Variants in CSMD1 observed in about 807,000 individuals in gnomAD.
The protein encoded by CSMD1 is CUB and sushi domain-containing protein 1.
A neutral mutation model predicts 417.5 loss-of-function variants in CSMD1; 213 were observed. The observed-to-expected ratio is 0.51, with a 90% confidence interval of 0.46 to 0.57. CSMD1 has a LOEUF of 0.57. Ranked by LOEUF, CSMD1 falls within the 20% of genes least tolerant of loss-of-function variation. The probability of loss-of-function intolerance (pLI) is 0.00; values close to 1 mark genes in which losing one functional copy is unlikely to be tolerated. For synonymous variants in CSMD1, 2,862 were observed against 1,736.8 expected, an observed-to-expected ratio of 1.65 and a Z score of -16.11; for missense variants, 6,923 against 4,529.7, an observed-to-expected ratio of 1.53 and a Z score of -15.17.
intron 2 of CSMD1, among the ~76,000 whole-genome samples, chr8:4,525,552 A>G (rs1335201345): frequency 6.6e-6 from 1 of 152,230 alleles, no homozygotes; most frequent in Non-Finnish European, 1.5e-5. Context: ...CAACCCCTAA[A>G]GGAAATGATT....
At chr8:3,510,024 A>T (rs1796997288) in intron 10 of CSMD1, among the ~76,000 whole-genome samples, 1 of 152,230 alleles carries the variant, frequency 6.6e-6, no homozygotes, top group African/African-American at 2.4e-5. Context: ...CAAGTCGCGT[A>T]TCCACTTCTC....
intron 1 of CSMD1, among the ~76,000 whole-genome samples, chr8:4,838,908 G>A (rs925216664): frequency 6.6e-6 from 1 of 152,246 alleles, no homozygotes; most frequent in East Asian, 1.9e-4. Context: ...AAGCTCTAAA[G>A]GTTACATAAA....
At chr8:3,300,682 C>G (rs950047001) in intron 25 of CSMD1, among the ~76,000 whole-genome samples, 1 of 152,000 alleles carries the variant, frequency 6.6e-6, no homozygotes, top group African/African-American at 2.4e-5. Flanking sequence ...AATGGCCAGG[C>G]CTGGTGGCTC....
intron 3 of CSMD1, among the ~76,000 whole-genome samples, chr8:4,173,195 G>A (rs1179106164): frequency 6.6e-6 from 1 of 152,136 alleles, no homozygotes. Context: ...TCAATTAAAA[G>A]TGAATTTCAG....
intron 7 of CSMD1, among the ~76,000 whole-genome samples, chr8:3,620,906 G>T (rs1310199729): frequency 6.6e-6 from 1 of 152,146 alleles, no homozygotes; most frequent in Non-Finnish European, 1.5e-5. Context: ...ACACCTTGAA[G>T]TTCTAAACAC....
intron 41 of CSMD1, among the ~76,000 whole-genome samples, chr8:3,137,964 C>G (rs1818204200): frequency 6.6e-6 from 1 of 152,170 alleles, no homozygotes; most frequent in Non-Finnish European, 1.5e-5. Flanking sequence ...GTGGCTCATG[C>G]CTGTAATCCC....
chr8:3,271,023 A>T (rs1224283136), intron 26 of CSMD1, among the ~76,000 whole-genome samples: 1 of 151,754 alleles, frequency 6.6e-6, no homozygotes, highest in African/African-American at 2.4e-5. Flanking sequence ...GGTGCGCTGC[A>T]CCCACTAACT....
intron 1 of CSMD1, among the ~76,000 whole-genome samples, chr8:4,692,234 T>G (rs1022111569): frequency 6.6e-6 from 1 of 152,116 alleles, no homozygotes; most frequent in Non-Finnish European, 1.5e-5. Context: ...TCAAGTCCTC[T>G]GCAAGCCACT....
chr8:4,720,153 G>A (rs182167037), intron 1 of CSMD1, among the ~76,000 whole-genome samples: 91 of 135,506 alleles, frequency 6.7e-4, no homozygotes, highest in Middle Eastern at 3.6e-3. Context: ...AAAGCTAGAC[G>A]TATACATACA....
chr8:3,422,855 C>G (rs758426798), intron 12 of CSMD1, among the ~76,000 whole-genome samples: 1 of 152,122 alleles, frequency 6.6e-6, no homozygotes, highest in South Asian at 2.1e-4. Flanking sequence ...CTCTCTGCTT[C>G]GAAAACAGTG....
At chr8:4,937,047 T>C (rs1050877796) in intron 1 of CSMD1, among the ~76,000 whole-genome samples, 2 of 152,044 alleles carry the variant, frequency 1.3e-5, no homozygotes, top group African/African-American at 4.8e-5. Flanking sequence ...TCTGTCTGTA[T>C]GAACAATTAA....
intron 5 of CSMD1, among the ~76,000 whole-genome samples, chr8:3,802,380 T>C (rs1164201688): frequency 1.3e-5 from 2 of 152,174 alleles, no homozygotes; most frequent in Non-Finnish European, 2.9e-5. Flanking sequence ...AGATATTTAA[T>C]TGAAAGGGAC....
At chr8:4,735,360 C>A (rs1219320995) in intron 1 of CSMD1, among the ~76,000 whole-genome samples, 1 of 152,304 alleles carries the variant, frequency 6.6e-6, no homozygotes, top group South Asian at 2.1e-4. Context: ...TTTTCTGTTG[C>A]CAAGCCCATT....
rs969253512 is a variant in CSMD1 at position 4,007,083 on chromosome 8, C to A, written c.611-8973G>T. Among the ~76,000 whole-genome samples, 5 of 152,174 alleles carry A rather than the reference C, an allele frequency of 3.3e-5. No individual in the cohort carries two copies. In the East Asian group the frequency reaches 7.8e-4, roughly 24 times the overall value. On this transcript the variant is annotated intron_variant, in intron 4 of 69. Transcript: ENST00000635120. ...TCGATCTCCTCACTTCGTGATCCAG[C>A]CACCTCGGCCTCCCAAAGTTTTGGT... is the stretch of plus-strand genomic sequence containing the variant.
intron 18 of CSMD1, among the ~76,000 whole-genome samples, chr8:3,370,406 C>G (rs1218011872): frequency 6.6e-6 from 1 of 152,200 alleles, no homozygotes; most frequent in Non-Finnish European, 1.5e-5. Flanking sequence ...CCTGGAACCT[C>G]TCCACCTGCA....
chr8:3,355,135 C>G (rs942395004), intron 21 of CSMD1, among the ~76,000 whole-genome samples: 5 of 151,802 alleles, frequency 3.3e-5, no homozygotes, highest in African/African-American at 1.2e-4. Context: ...TCTACTTTGT[C>G]AAGCAAATAG....
intron 21 of CSMD1, among the ~76,000 whole-genome samples, chr8:3,354,875 A>ATATCTATAGATATGTCTATCTATAGGTC (rs1808650277): frequency 1.4e-5 from 1 of 71,522 alleles, no homozygotes; most frequent in African/African-American, 7.1e-5. Flanking sequence ...AGATATACAT[A>ATATCTATAGATATGTCTATCTATAGGTC]TATCTATAGA....
intron 5 of CSMD1, among the ~76,000 whole-genome samples, chr8:3,914,361 T>A (rs1379076206): frequency 6.6e-6 from 1 of 151,798 alleles, no homozygotes; most frequent in South Asian, 2.1e-4. Context: ...TCCCATTACG[T>A]TGGATAGATG....
chr8:3,796,840 G>A (rs912125242), intron 5 of CSMD1, among the ~76,000 whole-genome samples: 4 of 151,288 alleles, frequency 2.6e-5, no homozygotes, highest in African/African-American at 7.3e-5. Flanking sequence ...TTAAAGCTAG[G>A]CAATTGTCAA....
Sources: allele counts gnomAD v4.1 joint callset (sites outside exome capture counted in the v4.1 genomes callset), GRCh38; gene constraint gnomAD v4.1.1; transcripts MANE v1.5; gene names NCBI Gene and HGNC (gene_info 2026-07-23, HGNC 2026-07-21).